The following MAPK9 variants were observed in gnomAD, a reference collection of about 807,000 sequenced individuals.
MAPK9 encodes the protein Jun kinase.
A neutral mutation model predicts 57.1 loss-of-function variants in MAPK9; 30 were observed. That is an observed-to-expected ratio of 0.53 (90% confidence interval 0.39 to 0.71). The LOEUF (loss-of-function observed/expected upper bound fraction) is 0.71. Ranked by LOEUF, MAPK9 falls within the 30% of genes least tolerant of loss-of-function variation. MAPK9 has a pLI of 0.00. For synonymous variants in MAPK9, 155 were observed against 177.0 expected (o/e 0.88, Z 0.99); for missense variants, 362 against 521.0 (o/e 0.69, Z 2.97).
intron 1 of MAPK9, among the ~76,000 whole-genome samples, chr5:180,283,016 C>T (rs745313003): frequency 6.6e-5 from 10 of 152,128 alleles, no homozygotes; most frequent in South Asian, 4.1e-4. Flanking sequence ...TCACTATGAG[C>T]CCCAGAAGCC....
At chr5:180,282,920 G>A (rs1762436311) in intron 1 of MAPK9, among the ~76,000 whole-genome samples, 2 of 152,186 alleles carry the variant, frequency 1.3e-5, no homozygotes, top group Admixed American at 6.5e-5. Context: ...AGCAGCAGAG[G>A]CGGAGGCACA....
chr5:180,248,615 T>C (rs1020218907), intron 6 of MAPK9, among the ~76,000 whole-genome samples: 1 of 152,212 alleles, frequency 6.6e-6, no homozygotes, highest in African/African-American at 2.4e-5. Flanking sequence ...ATCAGGAGAT[T>C]GGCCAGCCTC....
At chr5:180,286,386 C>G (rs189639206) in intron 1 of MAPK9, among the ~76,000 whole-genome samples, 8 of 151,198 alleles carry the variant, frequency 5.3e-5, no homozygotes, top group Admixed American at 4.6e-4. Context: ...CCTTATGATC[C>G]GCCCGCCTCA....
At chr5:180,287,876 A>C (rs79638347) in intron 1 of MAPK9, among the ~76,000 whole-genome samples, 1,634 of 152,226 alleles carry the variant, frequency 0.011, 41 homozygotes, top group African/African-American at 0.037. Context: ...TTTATTTCTC[A>C]ATCCTCTACT....
intron 9 of MAPK9, among the ~76,000 whole-genome samples, chr5:180,240,218 C>T (rs984433046): frequency 1.3e-5 from 2 of 152,194 alleles, no homozygotes; most frequent in African/African-American, 2.4e-5. Flanking sequence ...TTAATAATCA[C>T]CTGACCTCAA....
chr5:180,266,355 C>T (rs1760548948), intron 3 of MAPK9, among the ~76,000 whole-genome samples: 1 of 151,444 alleles, frequency 6.6e-6, no homozygotes, highest in Admixed American at 6.6e-5. Flanking sequence ...ATTCTTGTCC[C>T]CCAGGCTGGA....
At chr5:180,266,542 C>G (rs117820371) in intron 3 of MAPK9, among the ~76,000 whole-genome samples, 1 of 151,940 alleles carries the variant, frequency 6.6e-6, no homozygotes, top group Non-Finnish European at 1.5e-5. Flanking sequence ...TGGTCTTAAA[C>G]TCATGACTCA....
At chr5:180,250,358 G>A (rs1306077068) in intron 5 of MAPK9, among the ~76,000 whole-genome samples, 1 of 152,070 alleles carries the variant, frequency 6.6e-6, no homozygotes, top group Admixed American at 6.5e-5. Context: ...CTTTTGCCTG[G>A]GGACTTCGGC....
chr5:180,264,876 G>A lies in MAPK9; in HGVS notation c.253-37C>T, dbSNP rs750606083. The A allele has an allele frequency of 3.5e-6, 5 of 1,443,106 alleles. No homozygotes were observed. The South Asian group carries it at 6.5e-5, about 19-fold the overall frequency. The allele number at this position is 1,443,106 out of a possible 1,614,324, so 89.4% of individuals were successfully genotyped here. Reference sequence around the variant, plus strand: ...AAATTAATTATACTTCAATATGTCAGATTACTTGATTACAAAAATTAAGTT... The same window carrying A: ...AAATTAATTATACTTCAATATGTCAAATTACTTGATTACAAAAATTAAGTT... On this transcript the variant is annotated intron_variant, in intron 3 of 11. Transcript: ENST00000452135.
chr5:180,283,647 TA>T (rs1762495869), intron 1 of MAPK9, among the ~76,000 whole-genome samples: 2 of 152,198 alleles, frequency 1.3e-5, no homozygotes, highest in Non-Finnish European at 2.9e-5. Flanking sequence ...TCTCAAGATT[TA>T]AAATAGTCCG....
chr5:180,249,666 G>T (rs751519614), intron 5 of MAPK9, among the ~76,000 whole-genome samples: 1 of 152,178 alleles, frequency 6.6e-6, no homozygotes, highest in Non-Finnish European at 1.5e-5. Flanking sequence ...TAATGCGAAC[G>T]ATGTGTATAA....
intron 1 of MAPK9, chr5:180,287,029 A>G (rs1363217096): frequency 6.6e-6 from 1 of 152,284 alleles, no homozygotes; most frequent in East Asian, 1.9e-4. Flanking sequence ...GCCAATCTCA[A>G]AAAGTCACAT....
Position 180,234,514 on chromosome 5 carries a change from C to G in MAPK9, c.*1870G>C, listed in dbSNP as rs1386575100. On this transcript the variant is annotated 3_prime_UTR_variant, in exon 12 of 12. Transcript: ENST00000452135. ...AGGGCGTCTGCGGGTGCCTCGTCCC[C>G]CGTCCACGTCTCCCGGGGAGGGAGC... is the stretch of plus-strand genomic sequence containing the variant. The G allele has an allele frequency of 1.3e-5, 2 of 152,254 alleles. No individual in the cohort carries two copies. The highest frequency in any genetic ancestry group is 4.8e-5 in the African/African-American group (2 of 41,460). 9.4% of individuals were successfully genotyped at this position (152,254 alleles called of 1,614,324 possible).
At chr5:180,260,599 T>C (rs1374585070) in intron 5 of MAPK9, among the ~76,000 whole-genome samples, 1 of 152,248 alleles carries the variant, frequency 6.6e-6, no homozygotes, top group Non-Finnish European at 1.5e-5. Flanking sequence ...AGATACCCTT[T>C]AAGCAACATG....
chr5:180,250,072 T>G (rs1268485405), intron 5 of MAPK9, among the ~76,000 whole-genome samples: 1 of 152,104 alleles, frequency 6.6e-6, no homozygotes, highest in Non-Finnish European at 1.5e-5. Context: ...TGCTGCTGTC[T>G]CCATCTGTAC....
intron 2 of MAPK9, chr5:180,280,088 G>A (rs1452926096): frequency 2.2e-6 from 1 of 457,178 alleles, no homozygotes; most frequent in African/African-American, 2.0e-5. Flanking sequence ...GGAAAAGGTG[G>A]CCATGATGAA....
At chr5:180,259,419 T>C (rs1350353420) in intron 5 of MAPK9, among the ~76,000 whole-genome samples, 2 of 150,994 alleles carry the variant, frequency 1.3e-5, no homozygotes, top group South Asian at 2.1e-4. Context: ...CAATTCTCTA[T>C]GTAAACATGA....
At chr5:180,277,262 G>C (rs577336015) in intron 2 of MAPK9, among the ~76,000 whole-genome samples, 1 of 152,336 alleles carries the variant, frequency 6.6e-6, no homozygotes, top group South Asian at 2.1e-4. Flanking sequence ...GAGGTGAGAA[G>C]TCCAAAATGC....
chr5:180,243,400 C>G (rs936792224), intron 7 of MAPK9, among the ~76,000 whole-genome samples: 3 of 152,206 alleles, frequency 2.0e-5, no homozygotes, highest in Admixed American at 6.5e-5. Context: ...TCAGGAAAGT[C>G]AGGCTTCCTT....
Sources: gnomAD v4.1 joint callset for allele counts (sites outside exome capture counted in the v4.1 genomes callset) on GRCh38, gnomAD v4.1.1 for gene constraint, MANE v1.5 for transcripts, NCBI Gene and HGNC (gene_info 2026-07-23, HGNC 2026-07-21) for gene names.